MARCHF11: variants seen among roughly 807,000 people sequenced by gnomAD.
MARCHF11 encodes the protein E3 ubiquitin-protein ligase MARCHF11.
MARCHF11 carries 29 observed loss-of-function variants against 37.3 expected under a neutral mutation model. The observed-to-expected ratio is 0.78, with a 90% CI of 0.58 to 1.06. The LOEUF is 1.06. MARCHF11 is among the 50% of genes least tolerant of loss of function. The probability of loss-of-function intolerance (pLI) is 0.00; values close to 1 mark genes in which losing one functional copy is unlikely to be tolerated. For synonymous variants in MARCHF11, 233 were observed against 228.0 expected, an observed-to-expected ratio of 1.02 and a Z score of -0.20; for missense variants, 482 against 533.4, an observed-to-expected ratio of 0.90 and a Z score of 0.95.
chr5:16,087,419 C>A (rs1211853135), intron 3 of MARCHF11, among the ~76,000 whole-genome samples: 1 of 152,196 alleles, frequency 6.6e-6, no homozygotes, highest in African/African-American at 2.4e-5. Context: ...TTTATAGAGA[C>A]AAAGGGAAAC....
chr5:16,090,784 T>A, intron 3 of MARCHF11, 105 bp downstream of exon 3: 1 of 880,426 alleles, frequency 1.1e-6, no homozygotes, highest in Non-Finnish European at 1.6e-6. Context: ...AGAACTGAGA[T>A]AAGTCAATCC....
chr5:16,162,697 C>T (rs1374116441), intron 2 of MARCHF11, among the ~76,000 whole-genome samples: 2 of 151,640 alleles, frequency 1.3e-5, no homozygotes, highest in African/African-American at 4.8e-5. Context: ...TACTTTTATT[C>T]ATTCCCAGTG....
At chr5:16,101,022 A>G (rs1337074750) in intron 2 of MARCHF11, among the ~76,000 whole-genome samples, 1 of 152,192 alleles carries the variant, frequency 6.6e-6, no homozygotes, top group Non-Finnish European at 1.5e-5. Context: ...TTTGCCGACT[A>G]CAGGGTACAG....
chr5:16,111,718 G>A (rs1417978478), intron 2 of MARCHF11, among the ~76,000 whole-genome samples: 3 of 152,210 alleles, frequency 2.0e-5, no homozygotes, highest in Non-Finnish European at 4.4e-5. Context: ...TAATCAGCAA[G>A]ACAATAGGGA....
intron 2 of MARCHF11, among the ~76,000 whole-genome samples, chr5:16,123,524 C>T (rs940150253): frequency 6.6e-6 from 1 of 152,190 alleles, no homozygotes; most frequent in Non-Finnish European, 1.5e-5. Flanking sequence ...CAGTAGCCCA[C>T]ACAAACTAAT....
chr5:16,137,054 T>A (rs1346165318), intron 2 of MARCHF11, among the ~76,000 whole-genome samples: 1 of 152,084 alleles, frequency 6.6e-6, no homozygotes. Flanking sequence ...ACAAATAACA[T>A]AAAATATGGT....
chr5:16,103,991 C>T (rs1460217953), intron 2 of MARCHF11, among the ~76,000 whole-genome samples: 22 of 152,212 alleles, frequency 1.4e-4, no homozygotes, highest in South Asian at 1.2e-3. Flanking sequence ...AGAACCCTTT[C>T]GGACCATAAA....
rs1448557798 is a variant in MARCHF11 at position 16,090,904 on chromosome 5, C to T, written c.871G>A (p.Asp291Asn). ...QICYGMYGFM[D>N]LVCIGLIVHE... is the part of the protein sequence containing the mutation. ...ATGGTCTTACCTATGCACACTAGAT[C>T]CATAAAACCATACATTCCATAGCAG... The change falls in exon 3 of 4, where the codon GAT (aspartate) becomes AAT (asparagine). Residue 291 changes from aspartate (D) to asparagine (N), a missense_variant. Coordinates refer to ENST00000332432, the MANE Select transcript of MARCHF11 (RefSeq NM_001102562.3). The T allele has an allele frequency of 6.2e-7, 1 of 1,603,624 alleles. No homozygotes were observed. Among genetic ancestry groups the T allele is most frequent in the Non-Finnish European group, 8.5e-7 (1 of 1,175,770 alleles).
chr5:16,162,317 C>T (rs1738092782), intron 2 of MARCHF11, among the ~76,000 whole-genome samples: 1 of 151,882 alleles, frequency 6.6e-6, no homozygotes, highest in Non-Finnish European at 1.5e-5. Context: ...GAGCCTTTAT[C>T]AAGGCTTTTT....
At chr5:16,106,975 C>T (rs1381326632) in intron 2 of MARCHF11, among the ~76,000 whole-genome samples, 1 of 152,152 alleles carries the variant, frequency 6.6e-6, no homozygotes, top group Non-Finnish European at 1.5e-5. Flanking sequence ...AGGGAGGTGG[C>T]CCATTACTCA....
At chr5:16,176,189 A>T (rs1738350343) in intron 2 of MARCHF11, among the ~76,000 whole-genome samples, 1 of 152,062 alleles carries the variant, frequency 6.6e-6, no homozygotes, top group Non-Finnish European at 1.5e-5. Context: ...ATCCTAAATG[A>T]ATTAACATAT....
At chr5:16,125,134 A>G (rs1737380665) in intron 2 of MARCHF11, among the ~76,000 whole-genome samples, 1 of 151,490 alleles carries the variant, frequency 6.6e-6, no homozygotes, top group African/African-American at 2.4e-5. Context: ...TGTTTAAGCC[A>G]TACATCGTAA....
chr5:16,121,754 C>G (rs1737312517), intron 2 of MARCHF11, among the ~76,000 whole-genome samples: 1 of 152,164 alleles, frequency 6.6e-6, no homozygotes, highest in Non-Finnish European at 1.5e-5. Context: ...ATCCAAAAAT[C>G]AAAGCTAATG....
At chr5:16,162,265 T>A (rs1355158159) in intron 2 of MARCHF11, among the ~76,000 whole-genome samples, 1 of 151,838 alleles carries the variant, frequency 6.6e-6, no homozygotes, top group Admixed American at 6.6e-5. Context: ...AAAACCAACA[T>A]CTCACTAGAA....
At chr5:16,102,724 T>G (rs911783714) in intron 2 of MARCHF11, among the ~76,000 whole-genome samples, 2 of 152,186 alleles carry the variant, frequency 1.3e-5, no homozygotes, top group African/African-American at 4.8e-5. Context: ...TCTTGGGCAC[T>G]GGACAAGGAC....
chr5:16,165,182 C>T (rs1481487817), intron 2 of MARCHF11, among the ~76,000 whole-genome samples: 2 of 152,046 alleles, frequency 1.3e-5, no homozygotes, highest in Admixed American at 6.6e-5. Context: ...TAATCTCAGA[C>T]GTCACCTCCT....
At chr5:16,100,134 T>C (rs535042508) in intron 2 of MARCHF11, among the ~76,000 whole-genome samples, 1 of 152,216 alleles carries the variant, frequency 6.6e-6, no homozygotes, top group South Asian at 2.1e-4. Context: ...ACCATGTGCC[T>C]GGGTCCCAGA....
chr5:16,179,016 C>G, intron 1 of MARCHF11, 23 bp downstream of exon 1: 1 of 1,420,594 alleles, frequency 7.0e-7, no homozygotes, highest in Non-Finnish European at 9.2e-7. Context: ...CACCGGCTGC[C>G]TCGGGGTCTC....
At chr5:16,168,093 C>A (rs1738200163) in intron 2 of MARCHF11, among the ~76,000 whole-genome samples, 1 of 152,056 alleles carries the variant, frequency 6.6e-6, no homozygotes, top group Non-Finnish European at 1.5e-5. Flanking sequence ...ATTCTCCCCA[C>A]AGGCAATTCA....
Sources: allele counts gnomAD v4.1 joint callset (sites outside exome capture counted in the v4.1 genomes callset), GRCh38; gene constraint gnomAD v4.1.1; transcripts MANE v1.5; gene names NCBI Gene and HGNC (gene_info 2026-07-23, HGNC 2026-07-21).